RBFOX1: variants seen among roughly 807,000 people sequenced by gnomAD.
The protein encoded by RBFOX1 is RNA binding fox-1 homolog 1.
Under a neutral mutation model 57.7 loss-of-function variants are expected in RBFOX1, and 8 were observed. The observed-to-expected ratio is 0.14, with a 90% CI of 0.08 to 0.25. RBFOX1 has a LOEUF of 0.25. RBFOX1 is among the 10% of genes least tolerant of loss of function. RBFOX1 has a pLI of 1.00. For missense variants in RBFOX1, 611 were observed against 548.5 expected (o/e 1.11, Z -1.14); for synonymous variants, 326 against 222.4 (o/e 1.47, Z -4.15).
At chr16:7,047,170 T>A (rs2048273766) in intron 3 of RBFOX1, among the ~76,000 whole-genome samples, 1 of 152,174 alleles carries the variant, frequency 6.6e-6, no homozygotes, top group African/African-American at 2.4e-5. Flanking sequence ...TCTTGTTGTT[T>A]GAAGTTTCCT....
At chr16:6,601,170 G>C (rs2097848296) in intron 2 of RBFOX1, among the ~76,000 whole-genome samples, 1 of 152,192 alleles carries the variant, frequency 6.6e-6, no homozygotes, top group Non-Finnish European at 1.5e-5. Flanking sequence ...AAAGGAATTA[G>C]ATATCCAACT....
intron 1 of RBFOX1, among the ~76,000 whole-genome samples, chr16:6,254,131 G>T (rs12927291): frequency 0.59 from 89,657 of 151,912 alleles, 29,026 homozygotes; most frequent in East Asian, 0.81. Context: ...AGGTTCGTGG[G>T]CCTGTGTGTT....
At chr16:7,500,885 A>C (rs928937819) in intron 4 of RBFOX1, among the ~76,000 whole-genome samples, 24 of 152,208 alleles carry the variant, frequency 1.6e-4, no homozygotes, top group African/African-American at 5.5e-4. Flanking sequence ...TGATGGGGAC[A>C]GTTACCTCCA....
intron 1 of RBFOX1, among the ~76,000 whole-genome samples, chr16:6,025,213 A>G (rs147495998): frequency 2.0e-5 from 3 of 152,324 alleles, no homozygotes; most frequent in Admixed American, 6.5e-5. Flanking sequence ...CAAAGTTTCA[A>G]TTCATTTCTA....
intron 3 of RBFOX1, among the ~76,000 whole-genome samples, chr16:6,904,797 C>G (rs188571515): frequency 6.6e-6 from 1 of 151,964 alleles, no homozygotes; most frequent in Admixed American, 6.6e-5. Flanking sequence ...TTACACAAAG[C>G]TGGAGGAGAA....
At chr16:6,511,005 G>A (rs541753833) in intron 2 of RBFOX1, among the ~76,000 whole-genome samples, 1 of 152,310 alleles carries the variant, frequency 6.6e-6, no homozygotes, top group South Asian at 2.1e-4. Context: ...GTCACGAGCT[G>A]TTAAATGATG....
chr16:5,262,852 C>T (rs1385480172), intron 1 of RBFOX1, among the ~76,000 whole-genome samples: 1 of 151,974 alleles, frequency 6.6e-6, no homozygotes, highest in Non-Finnish European at 1.5e-5. Context: ...GGAAGAACAC[C>T]AGGAGAATGT....
At chr16:6,828,596 C>A (rs776560241) in intron 3 of RBFOX1, among the ~76,000 whole-genome samples, 5 of 151,776 alleles carry the variant, frequency 3.3e-5, no homozygotes, top group Non-Finnish European at 7.4e-5. Context: ...AAAAACCGGG[C>A]ATGGACCAAG....
intron 1 of RBFOX1, among the ~76,000 whole-genome samples, chr16:5,331,978 G>C (rs1051570098): frequency 6.6e-6 from 1 of 152,190 alleles, no homozygotes; most frequent in East Asian, 1.9e-4. Flanking sequence ...AGGGGTTTTC[G>C]AATCTGGACC....
intron 5 of RBFOX1, among the ~76,000 whole-genome samples, chr16:7,567,901 A>C (rs1300518260): frequency 6.6e-6 from 1 of 150,800 alleles, no homozygotes. Context: ...CTATGTATAT[A>C]TATATATCCA....
intron 4 of RBFOX1, among the ~76,000 whole-genome samples, chr16:7,225,833 A>G (rs1249443390): frequency 1.3e-5 from 2 of 149,224 alleles, no homozygotes; most frequent in African/African-American, 2.5e-5. Flanking sequence ...CAGCACACCA[A>G]CATGGCATAT....
At chr16:6,388,200 T>C (rs189250791) in intron 2 of RBFOX1, among the ~76,000 whole-genome samples, 5 of 152,094 alleles carry the variant, frequency 3.3e-5, no homozygotes, top group Admixed American at 2.0e-4. Flanking sequence ...ACTCCTGACC[T>C]TGTGATCCAC....
intron 4 of RBFOX1, among the ~76,000 whole-genome samples, chr16:5,942,827 A>G (rs1050965667): frequency 1.3e-5 from 2 of 152,190 alleles, no homozygotes; most frequent in African/African-American, 4.8e-5. Context: ...GGCACTTTCA[A>G]GCTGAGGGCC....
chr16:5,903,141 T>C (rs2058349608), intron 4 of RBFOX1, among the ~76,000 whole-genome samples: 1 of 152,094 alleles, frequency 6.6e-6, no homozygotes. Flanking sequence ...TGAGTGTGTA[T>C]GTATGCATGT....
chr16:7,302,519 C>G (rs1372807879), intron 4 of RBFOX1, among the ~76,000 whole-genome samples: 1 of 151,880 alleles, frequency 6.6e-6, no homozygotes, highest in East Asian at 1.9e-4. Context: ...CCCATCCCCT[C>G]TCAGGTACGG....
intron 2 of RBFOX1, among the ~76,000 whole-genome samples, chr16:6,617,169 C>G (rs1459877733): frequency 1.3e-5 from 2 of 151,926 alleles, no homozygotes; most frequent in Non-Finnish European, 2.9e-5. Context: ...TGACTATAAG[C>G]ACTTGTCCAC....
At chr16:6,776,236 C>G (rs1260670821) in intron 3 of RBFOX1, among the ~76,000 whole-genome samples, 1 of 151,796 alleles carries the variant, frequency 6.6e-6, no homozygotes, top group Non-Finnish European at 1.5e-5. Flanking sequence ...ACGGTGAAAC[C>G]CAGTCTCTAC....
chr16:6,035,775 G>A (rs2095357803), intron 1 of RBFOX1, among the ~76,000 whole-genome samples: 2 of 152,186 alleles, frequency 1.3e-5, no homozygotes, highest in Admixed American at 6.5e-5. Flanking sequence ...GAAATGAAAT[G>A]TATTTGCCAC....
chr16:6,926,204 G>A (rs1220908206), intron 3 of RBFOX1, among the ~76,000 whole-genome samples: 3 of 152,154 alleles, frequency 2.0e-5, no homozygotes, highest in Non-Finnish European at 4.4e-5. Flanking sequence ...CTAATCCAGA[G>A]GCTGAGGCAG....
Sources: allele counts gnomAD v4.1 joint callset (sites outside exome capture counted in the v4.1 genomes callset), GRCh38; gene constraint gnomAD v4.1.1; transcripts MANE v1.5; gene names NCBI Gene and HGNC (gene_info 2026-07-23, HGNC 2026-07-21).